ST3GAL3: variants seen among roughly 807,000 people sequenced by gnomAD.
ST3GAL3 encodes the protein CMP-N-acetylneuraminate-beta-1,4-galactoside alpha-2,3-sialyltransferase.
A neutral mutation model predicts 50.1 loss-of-function variants in ST3GAL3; 21 were observed. That is an observed-to-expected ratio of 0.42 (90% CI 0.30 to 0.60). The LOEUF (loss-of-function observed/expected upper bound fraction) is 0.60, where lower values mean the gene tolerates loss of function less well. Among genes scored for constraint, ST3GAL3 ranks in the 20% least tolerant of loss-of-function variants. ST3GAL3 has a pLI of 0.19. For synonymous variants in ST3GAL3, 183 were observed against 190.0 expected, an observed-to-expected ratio of 0.96 and a Z score of 0.30; for missense variants, 353 against 489.4, an observed-to-expected ratio of 0.72 and a Z score of 2.63.
At chr1:43,811,071 C>T (rs1041813426) in intron 3 of ST3GAL3, among the ~76,000 whole-genome samples, 5 of 152,186 alleles carry the variant, frequency 3.3e-5, no homozygotes, top group African/African-American at 1.2e-4. Flanking sequence ...ATTTTGTCTC[C>T]TACTGTTCCC....
chr1:43,910,846 C>G, intron 9 of ST3GAL3, among the ~76,000 whole-genome samples: 1 of 152,220 alleles, frequency 6.6e-6, no homozygotes, highest in East Asian at 1.9e-4. Context: ...GGCATCTGCC[C>G]TGGGCCCCAC....
intron 9 of ST3GAL3, among the ~76,000 whole-genome samples, chr1:43,906,883 T>C (rs966592775): frequency 6.6e-6 from 1 of 152,210 alleles, no homozygotes; most frequent in Middle Eastern, 3.2e-3. Flanking sequence ...AGAGAGGATA[T>C]GTTACTTGTG....
intron 1 of ST3GAL3, chr1:43,720,639 A>G (rs902416435): frequency 3.3e-5 from 5 of 152,132 alleles, no homozygotes; most frequent in Non-Finnish European, 5.9e-5. Context: ...TAATCCGTTC[A>G]TGAGGGTGGA....
chr1:43,747,518 G>A (rs550881395), intron 2 of ST3GAL3, among the ~76,000 whole-genome samples: 14 of 151,010 alleles, frequency 9.3e-5, no homozygotes, highest in South Asian at 4.2e-4. Context: ...GCACCTCCAC[G>A]TGTTCAACGG....
chr1:43,838,394 C>A, intron 5 of ST3GAL3, 83 bp downstream of exon 5: 2 of 1,260,126 alleles, frequency 1.6e-6, no homozygotes, highest in Non-Finnish European at 1.2e-6. Flanking sequence ...CACAGCCAGT[C>A]ATGTTCTCCT....
chr1:43,758,390 A>G (rs1688926654), intron 2 of ST3GAL3, among the ~76,000 whole-genome samples: 1 of 152,070 alleles, frequency 6.6e-6, no homozygotes. Context: ...AGCTAGGACT[A>G]CAGAAGTGTG....
chr1:43,849,625 G>T (rs2066910453), intron 5 of ST3GAL3, among the ~76,000 whole-genome samples: 1 of 152,144 alleles, frequency 6.6e-6, no homozygotes, highest in Non-Finnish European at 1.5e-5. Flanking sequence ...GGAGGGAGTT[G>T]GTTATCTCAG....
At chr1:43,851,873 C>T (rs3011222) in intron 5 of ST3GAL3, among the ~76,000 whole-genome samples, 84,941 of 152,084 alleles carry the variant, frequency 0.56, 27,652 homozygotes, top group Non-Finnish European at 0.74. Context: ...CGTGACTGGC[C>T]GCACCAACCC....
At position 43,817,584 on chromosome 1, in the gene ST3GAL3, T is replaced by TTCTCCTTCTCCC. The variant is rs1558437509; in HGVS notation, c.209+2651_209+2652insTCTCCTTCTCCC. ...TTCTTCCTTCTTCTTCTCCTTCTCC[T>TTCTCCTTCTCCC]CCTTCTCCTCCTCCCTTCTCCTTCT... On this transcript the variant is annotated intron_variant, in intron 4 of 11. Coordinates refer to ENST00000347631, the MANE Select transcript of ST3GAL3 (RefSeq NM_006279.5). Among the ~76,000 whole-genome samples the TTCTCCTTCTCCC allele has an allele frequency of 7.2e-5, 2 of 27,846 alleles. 1 individual carries two copies. Among genetic ancestry groups the TTCTCCTTCTCCC allele is most frequent in the Non-Finnish European group, 1.4e-4 (2 of 13,928 alleles). The allele number at this position is 27,846 out of a possible 152,430, so 18.3% of individuals were successfully genotyped here.
At chr1:43,751,816 A>G in intron 2 of ST3GAL3, among the ~76,000 whole-genome samples, 1 of 150,670 alleles carries the variant, frequency 6.6e-6, no homozygotes, top group East Asian at 1.9e-4. Flanking sequence ...AATTGGTTAC[A>G]TTTTTTTTTG....
chr1:43,819,650 T>TC (rs2061837662), intron 4 of ST3GAL3, among the ~76,000 whole-genome samples: 1 of 125,516 alleles, frequency 8.0e-6, no homozygotes, highest in Non-Finnish European at 1.8e-5. Flanking sequence ...AAAAATGGAT[T>TC]CTGGGGTAAA....
intron 2 of ST3GAL3, among the ~76,000 whole-genome samples, chr1:43,757,814 A>G (rs1688672129): frequency 6.6e-6 from 1 of 152,226 alleles, no homozygotes; most frequent in South Asian, 2.1e-4. Flanking sequence ...TGCTCTTTAA[A>G]CAACACTGTT....
At chr1:43,792,598 C>T (rs2058211774) in intron 3 of ST3GAL3, among the ~76,000 whole-genome samples, 2 of 152,120 alleles carry the variant, frequency 1.3e-5, no homozygotes, top group African/African-American at 2.4e-5. Flanking sequence ...ACATGCACAC[C>T]CCATATATTC....
At chr1:43,748,157 A>G (rs1295367790) in intron 2 of ST3GAL3, among the ~76,000 whole-genome samples, 3 of 152,190 alleles carry the variant, frequency 2.0e-5, no homozygotes, top group African/African-American at 7.2e-5. Context: ...TAACAATATC[A>G]CACAATATAT....
chr1:43,824,409 T>A (rs990795515), intron 4 of ST3GAL3, among the ~76,000 whole-genome samples: 1 of 151,084 alleles, frequency 6.6e-6, no homozygotes, highest in Non-Finnish European at 1.5e-5. Flanking sequence ...GTGGGAGGGA[T>A]ACTTTCTCTT....
At chr1:43,822,212 T>C (rs1197208473) in intron 4 of ST3GAL3, among the ~76,000 whole-genome samples, 1 of 152,180 alleles carries the variant, frequency 6.6e-6, no homozygotes. Flanking sequence ...ATGTGCCCAT[T>C]AGTCCAGGAG....
At chr1:43,768,356 A>G (rs1693889820) in intron 2 of ST3GAL3, among the ~76,000 whole-genome samples, 1 of 152,170 alleles carries the variant, frequency 6.6e-6, no homozygotes, top group African/African-American at 2.4e-5. Flanking sequence ...CAGGAGACTC[A>G]CTTGAGCCCA....
intron 2 of ST3GAL3, among the ~76,000 whole-genome samples, chr1:43,779,095 G>A (rs547084327): frequency 6.6e-6 from 1 of 151,896 alleles, no homozygotes; most frequent in East Asian, 1.9e-4. Context: ...GCACCTGCCA[G>A]CAGGCCCAGC....
intron 4 of ST3GAL3, 134 bp downstream of exon 4, chr1:43,815,067 C>T: frequency 1.1e-6 from 1 of 914,686 alleles, no homozygotes; most frequent in Non-Finnish European, 1.8e-6. Flanking sequence ...CTCAGGCTGT[C>T]AGCAGAATCT....
Sources: gnomAD v4.1 joint callset for allele counts (sites outside exome capture counted in the v4.1 genomes callset) on GRCh38, gnomAD v4.1.1 for gene constraint, MANE v1.5 for transcripts, NCBI Gene and HGNC (gene_info 2026-07-23, HGNC 2026-07-21) for gene names.